Variants in ASIC2 observed in about 807,000 individuals in gnomAD.
The protein encoded by ASIC2 is acid sensing ion channel subunit 2, also known as acid-sensing ion channel 2.
Under a neutral mutation model 57.3 loss-of-function variants are expected in ASIC2, and 25 were observed. The observed-to-expected ratio is 0.44, with a 90% confidence interval of 0.32 to 0.61. The LOEUF (loss-of-function observed/expected upper bound fraction) is 0.61, where lower values mean the gene tolerates loss of function less well. Ranked by LOEUF, ASIC2 falls within the 20% of genes least tolerant of loss-of-function variation. The pLI, the probability that ASIC2 is intolerant of heterozygous loss-of-function variation, is 0.06. For missense variants in ASIC2, 641 were observed against 738.1 expected, an observed-to-expected ratio of 0.87 and a Z score of 1.52; for synonymous variants, 319 against 307.5, an observed-to-expected ratio of 1.04 and a Z score of -0.39.
rs921943596 is a variant in ASIC2 at position 33,394,955 on chromosome 17, A to C, written c.556-282888T>G. On this transcript the variant is annotated intron_variant, in intron 1 of 9. Transcript: ENST00000359872. ...CATTCATTCACCCATCCATCCACGC[A>C]TCCATCCATTTTTCCATTCACCCAT... is the stretch of plus-strand genomic sequence containing the variant. Among the ~76,000 whole-genome samples the C allele has an allele frequency of 2.0e-5, 3 of 151,528 alleles. No individual in the cohort carries two copies. The East Asian group carries it at 5.8e-4, about 29-fold the overall frequency.
intron 3 of ASIC2, among the ~76,000 whole-genome samples, chr17:33,088,265 G>A (rs1359950134): frequency 6.6e-6 from 1 of 152,182 alleles, no homozygotes; most frequent in Non-Finnish European, 1.5e-5. Flanking sequence ...AGTTTGCGAA[G>A]GTCTCCCTTT....
intron 1 of ASIC2, among the ~76,000 whole-genome samples, chr17:33,657,740 A>G (rs1402218187): frequency 1.4e-5 from 2 of 144,188 alleles, no homozygotes; most frequent in African/African-American, 2.6e-5. Context: ...GCTGCCTCAG[A>G]CACCTTTGGC....
chr17:33,172,676 A>G (rs961329739), intron 1 of ASIC2, among the ~76,000 whole-genome samples: 1 of 152,184 alleles, frequency 6.6e-6, no homozygotes, highest in African/African-American at 2.4e-5. Context: ...CTCAGCCATG[A>G]GCTCTTACAG....
chr17:33,577,085 A>T (rs1597792674), intron 1 of ASIC2, among the ~76,000 whole-genome samples: 1 of 152,008 alleles, frequency 6.6e-6, no homozygotes, highest in African/African-American at 2.4e-5. Flanking sequence ...TCCTTCTTAT[A>T]CCTTCCTCTG....
chr17:33,538,618 C>T (rs1275351935), intron 1 of ASIC2, among the ~76,000 whole-genome samples: 1 of 152,226 alleles, frequency 6.6e-6, no homozygotes, highest in Admixed American at 6.5e-5. Flanking sequence ...TCTGTATCAC[C>T]TCATGTAGGA....
upstream of ASIC2, among the ~76,000 whole-genome samples, chr17:33,295,116 G>T: frequency 6.6e-6 from 1 of 152,186 alleles, no homozygotes; most frequent in East Asian, 1.9e-4. Flanking sequence ...AAAACATTTT[G>T]GGTTTCTGAT....
At chr17:33,916,437 G>A (rs1229361987) in intron 1 of ASIC2, among the ~76,000 whole-genome samples, 4 of 152,128 alleles carry the variant, frequency 2.6e-5, no homozygotes, top group Non-Finnish European at 5.9e-5. Context: ...GTAGGATCCT[G>A]GTGACATCAT....
chr17:33,686,924 G>A (rs1178515696), intron 1 of ASIC2, among the ~76,000 whole-genome samples: 1 of 152,120 alleles, frequency 6.6e-6, no homozygotes, highest in African/African-American at 2.4e-5. Context: ...CAGGGGTTGG[G>A]AAAATAAACC....
chr17:33,755,069 G>A (rs1445444696), intron 1 of ASIC2, among the ~76,000 whole-genome samples: 8 of 152,142 alleles, frequency 5.3e-5, no homozygotes, highest in South Asian at 2.1e-4. Flanking sequence ...TTGAGCTGAC[G>A]GGATTATTCT....
intron 1 of ASIC2, among the ~76,000 whole-genome samples, chr17:33,972,455 C>G (rs1905249866): frequency 6.6e-6 from 1 of 152,142 alleles, no homozygotes; most frequent in African/African-American, 2.4e-5. Context: ...GATCTCTAGG[C>G]TTAGATTAAT....
At chr17:33,084,930 A>C (rs777089394) in intron 3 of ASIC2, among the ~76,000 whole-genome samples, 1 of 152,258 alleles carries the variant, frequency 6.6e-6, no homozygotes, top group Non-Finnish European at 1.5e-5. Flanking sequence ...TTGTAGCCCA[A>C]GAGTATATTC....
At chr17:33,509,659 CAG>C (rs948302133) in intron 1 of ASIC2, among the ~76,000 whole-genome samples, 64 of 152,330 alleles carry the variant, frequency 4.2e-4, no homozygotes, top group African/African-American at 1.5e-3. Context: ...TCAGGCCCCG[CAG>C]AGAGAAGACT....
At chr17:33,137,242 G>A (rs2092370390) in intron 1 of ASIC2, among the ~76,000 whole-genome samples, 1 of 152,226 alleles carries the variant, frequency 6.6e-6, no homozygotes, top group South Asian at 2.1e-4. Context: ...GGTCTAATAG[G>A]TTAGAAAACG....
chr17:33,381,625 C>T lies in ASIC2; in HGVS notation c.556-269558G>A, dbSNP rs145774348. ...GTGTGGCTAGTGATGATAACACCCA[C>T]TTGGGAAGTTCATTTGGAGGAGAAA... On this transcript the variant is annotated intron_variant, in intron 1 of 9. Coordinates refer to the ASIC2 transcript ENST00000359872. Among the ~76,000 whole-genome samples the T allele has an allele frequency of 6.6e-3, 1,004 of 152,304 alleles. 9 individuals are homozygous for T. Among genetic ancestry groups the T allele is most frequent in the African/African-American group, 0.022 (916 of 41,554 alleles).
intron 1 of ASIC2, among the ~76,000 whole-genome samples, chr17:33,520,272 G>C (rs1272851728): frequency 6.6e-6 from 1 of 152,170 alleles, no homozygotes; most frequent in Non-Finnish European, 1.5e-5. Context: ...AATGAACAAG[G>C]ATACGGGACA....
intron 1 of ASIC2, among the ~76,000 whole-genome samples, chr17:33,782,214 C>T (rs1053788199): frequency 1.3e-5 from 2 of 152,092 alleles, no homozygotes; most frequent in Non-Finnish European, 2.9e-5. Context: ...TTGTGTATGT[C>T]CAAAAACTCT....
chr17:33,926,723 A>G (rs1915828994), intron 1 of ASIC2, among the ~76,000 whole-genome samples: 1 of 152,256 alleles, frequency 6.6e-6, no homozygotes, highest in Admixed American at 6.5e-5. Context: ...AAAATCATGT[A>G]TTCGGGGTAA....
chr17:33,117,712 C>A (rs73982430), intron 1 of ASIC2, among the ~76,000 whole-genome samples: 4,471 of 152,274 alleles, frequency 0.029, 211 homozygotes, highest in African/African-American at 0.1. Flanking sequence ...TTCTCTTTTG[C>A]AAACTGGGCA....
At chr17:33,610,521 T>TGG (rs1567668572) in intron 1 of ASIC2, among the ~76,000 whole-genome samples, 9 of 152,000 alleles carry the variant, frequency 5.9e-5, no homozygotes, top group Non-Finnish European at 8.8e-5. Flanking sequence ...CTGAGTATTA[T>TGG]TTTTCTTTTT....
Sources: allele counts gnomAD v4.1 joint callset (sites outside exome capture counted in the v4.1 genomes callset), GRCh38; gene constraint gnomAD v4.1.1; transcripts MANE v1.5; gene names NCBI Gene and HGNC (gene_info 2026-07-23, HGNC 2026-07-21).